Variants in BTRC observed in about 807,000 individuals in gnomAD.
BTRC encodes beta-transducin repeat containing E3 ubiquitin protein ligase, also known as F-box/WD repeat-containing protein 1A.
In BTRC, 42 loss-of-function variants were observed where a neutral mutation model predicts 85.5. The observed-to-expected ratio is 0.49, with a 90% CI of 0.38 to 0.64. The LOEUF is 0.64. Ranked by LOEUF, BTRC falls within the 30% of genes least tolerant of loss-of-function variation. BTRC has a pLI of 0.00. For synonymous variants in BTRC, 255 were observed against 263.3 expected (o/e 0.97, Z 0.30); for missense variants, 594 against 743.5 (o/e 0.80, Z 2.34).
intron 1 of BTRC, among the ~76,000 whole-genome samples, chr10:101,413,292 C>CG (rs1554872855): frequency 1.4e-4 from 21 of 151,342 alleles, no homozygotes; most frequent in Non-Finnish European, 2.8e-4. Flanking sequence ...TATAGGTGCC[C>CG]ACCACCACGC....
intron 1 of BTRC, among the ~76,000 whole-genome samples, chr10:101,372,425 T>G (rs1942664259): frequency 6.6e-6 from 1 of 150,408 alleles, no homozygotes; most frequent in Admixed American, 6.6e-5. Flanking sequence ...CGGCTAATTT[T>G]TGTATTTTTA....
At chr10:101,444,949 G>C (rs939402082) in intron 2 of BTRC, among the ~76,000 whole-genome samples, 1 of 152,152 alleles carries the variant, frequency 6.6e-6, no homozygotes, top group African/African-American at 2.4e-5. Flanking sequence ...GTAGGGCATG[G>C]CCTTGAGGTT....
chr10:101,548,621 G>A (rs1006016925), intron 13 of BTRC, among the ~76,000 whole-genome samples: 1 of 152,116 alleles, frequency 6.6e-6, no homozygotes, highest in Non-Finnish European at 1.5e-5. Flanking sequence ...GCATGGCGGG[G>A]GGCATCTGTA....
At chr10:101,525,704 A>G (rs796595910) in intron 5 of BTRC, among the ~76,000 whole-genome samples, 8 of 152,202 alleles carry the variant, frequency 5.3e-5, no homozygotes, top group African/African-American at 1.9e-4. Flanking sequence ...TGAAATCCAT[A>G]TAGATAGATG....
At chr10:101,494,085 G>T (rs1459295728) in intron 4 of BTRC, among the ~76,000 whole-genome samples, 1 of 152,210 alleles carries the variant, frequency 6.6e-6, no homozygotes, top group Non-Finnish European at 1.5e-5. Flanking sequence ...GCTCTTGATT[G>T]AGGCTATCAG....
chr10:101,510,795 G>A (rs1946683304), intron 4 of BTRC, among the ~76,000 whole-genome samples: 4 of 152,132 alleles, frequency 2.6e-5, no homozygotes, highest in African/African-American at 9.7e-5. Context: ...ATTCTCAACA[G>A]GGGATTTCTC....
intron 6 of BTRC, among the ~76,000 whole-genome samples, chr10:101,529,473 G>T (rs1178172177): frequency 6.6e-6 from 1 of 152,080 alleles, no homozygotes; most frequent in Non-Finnish European, 1.5e-5. Flanking sequence ...GAATGTGGGT[G>T]GGCTCAGGAG....
At chr10:101,384,594 G>T (rs1943020362) in intron 1 of BTRC, among the ~76,000 whole-genome samples, 1 of 152,162 alleles carries the variant, frequency 6.6e-6, no homozygotes, top group Admixed American at 6.5e-5. Flanking sequence ...ATTTTGGCCA[G>T]ACTAGCAGTT....
chr10:101,417,892 G>C (rs1943989059), intron 1 of BTRC, among the ~76,000 whole-genome samples: 1 of 151,962 alleles, frequency 6.6e-6, no homozygotes, highest in Non-Finnish European at 1.5e-5. Flanking sequence ...TGCTCTGACT[G>C]GTCTCTAATT....
chr10:101,354,130 G>C (rs1008118132), upstream of BTRC: 7 of 1,545,124 alleles, frequency 4.5e-6, no homozygotes, highest in East Asian at 1.5e-4. Context: ...CTGCGGCCTG[G>C]CACCAAAGGG....
At chr10:101,421,159 T>C (rs566231258) in intron 1 of BTRC, among the ~76,000 whole-genome samples, 3 of 152,148 alleles carry the variant, frequency 2.0e-5, no homozygotes, top group African/African-American at 4.8e-5. Context: ...TTTTTCCTTA[T>C]GATCAGTTAT....
intron 3 of BTRC, among the ~76,000 whole-genome samples, chr10:101,478,394 A>G (rs1011576441): frequency 6.6e-6 from 1 of 152,046 alleles, no homozygotes; most frequent in Admixed American, 6.6e-5. Context: ...GCCAAAAGTC[A>G]AAGCTTGTAT....
intron 12 of BTRC, among the ~76,000 whole-genome samples, chr10:101,537,064 A>T (rs1375967599): frequency 6.7e-6 from 1 of 150,246 alleles, no homozygotes; most frequent in African/African-American, 2.4e-5. Context: ...TGGGTTTTTT[A>T]TCTCTTTGAG....
chr10:101,510,246 C>T (rs1042354359), intron 4 of BTRC, among the ~76,000 whole-genome samples: 6 of 151,944 alleles, frequency 3.9e-5, no homozygotes, highest in African/African-American at 1.2e-4. Flanking sequence ...CAGTGGCTCA[C>T]GCCTGTAATC....
intron 6 of BTRC, among the ~76,000 whole-genome samples, chr10:101,529,265 T>C (rs533999786): frequency 1.1e-4 from 17 of 152,324 alleles, no homozygotes; most frequent in Non-Finnish European, 1.9e-4. Flanking sequence ...AACACTTTGA[T>C]TTGAAGAAAT....
At chr10:101,417,693 T>G (rs1943984308) in intron 1 of BTRC, among the ~76,000 whole-genome samples, 1 of 152,218 alleles carries the variant, frequency 6.6e-6, no homozygotes, top group South Asian at 2.1e-4. Context: ...TTTTATTTTA[T>G]TTCATTTTAG....
intron 2 of BTRC, among the ~76,000 whole-genome samples, chr10:101,455,346 TA>T (rs1213013415): frequency 2.0e-5 from 3 of 152,046 alleles, no homozygotes; most frequent in South Asian, 2.1e-4. Flanking sequence ...ATTCACATTA[TA>T]TTCTCTAGCT....
intron 1 of BTRC, among the ~76,000 whole-genome samples, chr10:101,381,796 C>T (rs1942935052): frequency 6.6e-6 from 1 of 151,790 alleles, no homozygotes; most frequent in African/African-American, 2.4e-5. Flanking sequence ...TTGAGAGTTG[C>T]AGACATGATA....
chr10:101,480,135 T>A lies in BTRC; in HGVS notation c.324+678T>A, dbSNP rs560564380. ...GGAATAAGTACTATTAAGTATGGGC[T>A]TTGTTTCTTTTACTTGAATTATCTG... is the stretch of plus-strand genomic sequence containing the variant. On this transcript the variant is annotated intron_variant, in intron 4 of 14. Coordinates refer to ENST00000370187, the MANE Select transcript of BTRC (RefSeq NM_033637.4). Among the ~76,000 whole-genome samples the A allele has an allele frequency of 1.2e-4, 19 of 152,360 alleles. No homozygotes were observed. In the South Asian group the frequency reaches 3.9e-3, roughly 32 times the overall value.
Sources: allele counts gnomAD v4.1 joint callset (sites outside exome capture counted in the v4.1 genomes callset), GRCh38; gene constraint gnomAD v4.1.1; transcripts MANE v1.5; gene names NCBI Gene and HGNC (gene_info 2026-07-23, HGNC 2026-07-21).